The following TUT4 variants were observed in gnomAD, a reference collection of about 807,000 sequenced individuals.
TUT4 encodes terminal uridylyl transferase 4, also known as terminal uridylyltransferase 4.
In TUT4, 36 loss-of-function variants were observed where a neutral mutation model predicts 192.2. The ratio of observed to expected loss-of-function variants is 0.19; its 90% CI spans 0.14 to 0.25. TUT4 has a LOEUF of 0.25. Ranked by LOEUF, TUT4 falls within the 10% of genes least tolerant of loss-of-function variation. The pLI is 1.00. For synonymous variants in TUT4, 618 were observed against 666.0 expected, an observed-to-expected ratio of 0.93 and a Z score of 1.11; for missense variants, 1,493 against 1,957.2, an observed-to-expected ratio of 0.76 and a Z score of 4.47.
intron 16 of TUT4, chr1:52,463,885 T>G: frequency 2.1e-6 from 2 of 942,638 alleles, no homozygotes; most frequent in East Asian, 1.2e-4. Context: ...AGCTATCAGT[T>G]TCAGAAAGCA....
chr1:52,458,351 G>T lies in TUT4; in HGVS notation c.3420C>A (p.Ile1140=). Residue 1140 remains isoleucine, a synonymous_variant, in exon 20 of 30, where the codon ATC becomes ATA. Coordinates refer to ENST00000257177, the MANE Select transcript of TUT4 (RefSeq NM_001009881.3). ...YFLQQRKPPV[I]PVLQEIFDGK... is the part of the protein sequence containing the mutation. ...AAACACCTACCTCTTGTAGAACTGG[G>T]ATAACAGGTGGCTTTCTCTGCTGCA... The T allele has an allele frequency of 6.2e-7, 1 of 1,613,348 alleles. No individual in the cohort carries two copies. The highest frequency in any genetic ancestry group is 2.2e-5 in the East Asian group (1 of 44,848).
In TUT4 at chr1:52,488,931, A is replaced by G. The variant is rs1265787359; in HGVS notation, c.1493T>C (p.Leu498Ser). ...KIEPVFIPLV[L>S]AFRYWAKLCY... ...TACCTTAGCCCAGTAGCGAAAGGCTAACACCAAGGGAATAAAGACAGGTTC... is the reference window on the plus strand; with the variant it reads ...TACCTTAGCCCAGTAGCGAAAGGCTGACACCAAGGGAATAAAGACAGGTTC... Residue 498 changes from leucine to serine, a missense_variant, in exon 9 of 30, where the codon TTA (leucine) becomes TCA (serine). Physicochemically the swap from Leu to Ser is moderately radical, Grantham distance 145 (BLOSUM62 -2). This residue lies in a region of TUT4 where 437 missense variants were observed against 577.6 expected (regional missense o/e 0.76). Transcript: ENST00000257177. 8 of 1,613,556 alleles carry G rather than the reference A, an allele frequency of 5.0e-6. 1 individual carries two copies. The East Asian group carries it at 1.6e-4, about 32-fold the overall frequency.
chr1:52,496,065 A>C (rs1405346915), intron 5 of TUT4, among the ~76,000 whole-genome samples: 1 of 152,158 alleles, frequency 6.6e-6, no homozygotes, highest in Non-Finnish European at 1.5e-5. Flanking sequence ...CAGACTATGA[A>C]ACATGTTATT....
At chr1:52,424,249 AGAGTT>A (rs1649045184) in intron 29 of TUT4, 2 of 479,884 alleles carry the variant, frequency 4.2e-6, no homozygotes, top group African/African-American at 3.9e-5. Context: ...CCACTAGAAA[AGAGTT>A]GCAGACTCTC....
At chr1:52,444,935 GTATATACATGTA>G (rs1474237437) in intron 24 of TUT4, among the ~76,000 whole-genome samples, 3 of 120,114 alleles carry the variant, frequency 2.5e-5, no homozygotes, top group African/African-American at 1.7e-4. Context: ...GTATATATAT[GTATATACATGTA>G]TGTGTATATA....
chr1:52,543,400 T>A (rs1339125693), intron 1 of TUT4, among the ~76,000 whole-genome samples: 1 of 151,400 alleles, frequency 6.6e-6, no homozygotes, highest in Non-Finnish European at 1.5e-5. Flanking sequence ...ACATGTACAA[T>A]GAAAACTATA....
rs1174652113 is a variant in TUT4 at position 52,526,917 on chromosome 1, CAG to C, written c.-93-546_-93-545del. ...GCGTGCGCCTGTAATCCCAGTTACTCAGGGGCTGAGACAGGAAAATCACTTGA... is the reference window on the plus strand; with the variant it reads ...GCGTGCGCCTGTAATCCCAGTTACTCGGGCTGAGACAGGAAAATCACTTGA... On this transcript the variant is annotated intron_variant, in intron 1 of 29. Coordinates refer to ENST00000257177, the MANE Select transcript of TUT4 (RefSeq NM_001009881.3). Among the ~76,000 whole-genome samples the C allele has an allele frequency of 2.6e-5, 4 of 151,988 alleles. No homozygotes were observed. The East Asian group carries it at 7.7e-4, about 29-fold the overall frequency.
intron 4 of TUT4, among the ~76,000 whole-genome samples, chr1:52,508,164 T>C (rs1676132434): frequency 6.6e-6 from 1 of 151,800 alleles, no homozygotes; most frequent in African/African-American, 2.4e-5. Flanking sequence ...AAACCCCGTC[T>C]CTATTAAAAA....
At chr1:52,534,686 C>T (rs1460558688) in intron 1 of TUT4, among the ~76,000 whole-genome samples, 2 of 145,332 alleles carry the variant, frequency 1.4e-5, no homozygotes, top group African/African-American at 5.1e-5. Flanking sequence ...AACCCTGTCT[C>T]TACAAAAAAA....
chr1:52,537,828 G>A (rs144771551), intron 1 of TUT4, among the ~76,000 whole-genome samples: 209 of 152,218 alleles, frequency 1.4e-3, no homozygotes, highest in African/African-American at 4.6e-3. Context: ...CAGGAAGATC[G>A]CTTGAACCGA....
chr1:52,438,123 A>C, intron 25 of TUT4, 97 bp downstream of exon 25: 1 of 965,542 alleles, frequency 1.0e-6, no homozygotes, highest in Non-Finnish European at 1.6e-6. Context: ...TAAATACCCT[A>C]AACTTTCTCA....
At chr1:52,530,110 T>TA (rs1682953345) in intron 1 of TUT4, among the ~76,000 whole-genome samples, 1 of 152,116 alleles carries the variant, frequency 6.6e-6, no homozygotes, top group African/African-American at 2.4e-5. Flanking sequence ...CCCAAACTGC[T>TA]AGGACTACAG....
At chr1:52,434,066 T>G (rs1288829932) in intron 27 of TUT4, 1 of 152,100 alleles carries the variant, frequency 6.6e-6, no homozygotes, top group African/African-American at 2.4e-5. Flanking sequence ...TCACAAAGAA[T>G]GAATGCATGT....
chr1:52,532,430 G>A (rs12409239), intron 1 of TUT4, among the ~76,000 whole-genome samples: 7,120 of 151,510 alleles, frequency 0.047, 186 homozygotes, highest in South Asian at 0.086. Flanking sequence ...GGGCTCAAGC[G>A]AGCCTCCCAC....
intron 2 of TUT4, among the ~76,000 whole-genome samples, chr1:52,518,371 CA>C (rs1306050582): frequency 3.3e-5 from 5 of 152,234 alleles, no homozygotes. Context: ...AAGGTGTCAG[CA>C]AGGTCACTGT....
intron 24 of TUT4, among the ~76,000 whole-genome samples, chr1:52,443,004 A>G (rs1656141656): frequency 6.6e-6 from 1 of 152,156 alleles, no homozygotes; most frequent in Non-Finnish European, 1.5e-5. Flanking sequence ...AAAGTCTCGG[A>G]AAGGCACAGC....
chr1:52,483,045 G>A (rs988997616), intron 9 of TUT4, among the ~76,000 whole-genome samples: 2 of 152,058 alleles, frequency 1.3e-5, no homozygotes, highest in Admixed American at 6.6e-5. Flanking sequence ...TCACCCCTTC[G>A]AACACTAGGT....
At chr1:52,512,437 T>G (rs958836944) in intron 3 of TUT4, among the ~76,000 whole-genome samples, 3 of 152,212 alleles carry the variant, frequency 2.0e-5, no homozygotes, top group Non-Finnish European at 2.9e-5. Context: ...TTTAAATAAT[T>G]TATCCAAGGT....
In TUT4 at chr1:52,496,988, T is replaced by C. The variant is rs1418690772; in HGVS notation, c.1177+18A>G. 10 of 1,606,866 alleles carry C rather than the reference T, an allele frequency of 6.2e-6. No individual in the cohort carries two copies. Among genetic ancestry groups the C allele is most frequent in the South Asian group, 1.1e-5 (1 of 89,118 alleles). On this transcript the variant is annotated intron_variant, in intron 5 of 29. Coordinates refer to ENST00000257177, the MANE Select transcript of TUT4 (RefSeq NM_001009881.3). ...GAGTTTTGTGATTTTCAAAATCAAA[T>C]ATGAAATGTATTTCTACCTGGTAAA...
Sources: allele counts gnomAD v4.1 joint callset (sites outside exome capture counted in the v4.1 genomes callset), GRCh38; gene constraint gnomAD v4.1.1; regional missense constraint gnomAD v4.1.1; transcripts MANE v1.5; gene names NCBI Gene and HGNC (gene_info 2026-07-23, HGNC 2026-07-21).